The following PLXDC2 variants were observed in gnomAD, a reference collection of about 807,000 sequenced individuals.
The protein encoded by PLXDC2 is plexin domain-containing protein 2.
A neutral mutation model predicts 68.9 loss-of-function variants in PLXDC2; 40 were observed. The observed-to-expected ratio is 0.58, with a 90% CI of 0.45 to 0.76. The LOEUF (loss-of-function observed/expected upper bound fraction) is 0.76, where lower values mean the gene tolerates loss of function less well. PLXDC2 is among the 30% of genes least tolerant of loss of function. PLXDC2 has a pLI of 0.00. For synonymous variants in PLXDC2, 243 were observed against 234.2 expected (o/e 1.04, Z -0.34); for missense variants, 644 against 661.9 (o/e 0.97, Z 0.30).
At chr10:20,010,512 T>C (rs1436081749) in intron 2 of PLXDC2, among the ~76,000 whole-genome samples, 1 of 152,196 alleles carries the variant, frequency 6.6e-6, no homozygotes, top group Non-Finnish European at 1.5e-5. Context: ...GTCAGCTCTT[T>C]ATTGAAACAA....
intron 3 of PLXDC2, among the ~76,000 whole-genome samples, chr10:20,049,142 C>G (rs555423714): frequency 6.6e-6 from 1 of 152,116 alleles, no homozygotes; most frequent in South Asian, 2.1e-4. Flanking sequence ...GTGGAAAAAG[C>G]TATCAACAAA....
At position 19,956,068 on chromosome 10, in the gene PLXDC2, A is replaced by G. The variant is rs189467781; in HGVS notation, c.113-45707A>G. ...CACTCCAGCTTGGGTGACAAGAGTG[A>G]AACTCCATTAAAAAAAAAATTCTCG... On this transcript the variant is annotated intron_variant, in intron 1 of 13. Coordinates refer to ENST00000377252, the MANE Select transcript of PLXDC2 (RefSeq NM_032812.9). Among the ~76,000 whole-genome samples, 154 of 152,256 alleles carry G rather than the reference A, an allele frequency of 1.0e-3. 1 individual carries two copies. The highest frequency in any genetic ancestry group is 3.5e-3 in the African/African-American group (146 of 41,562).
chr10:20,082,064 C>CAAAAAAAAAAA lies in PLXDC2; in HGVS notation c.541+13827_541+13837dup, dbSNP rs1252447303. Among the ~76,000 whole-genome samples the CAAAAAAAAAAA allele has an allele frequency of 1.4e-3, 98 of 70,086 alleles. 3 individuals carry two copies. The highest frequency in any genetic ancestry group is 9.1e-3 in the Middle Eastern group (1 of 110). The allele number at this position is 70,086 out of a possible 152,430, so 46.0% of individuals were successfully genotyped here. On this transcript the variant is annotated intron_variant, in intron 4 of 13. Transcript: ENST00000377252. ...CCATCTGAAAAAAAAAAAAAAAAAT[C>CAAAAAAAAAAA]AAAAAAAAAAAACAGGAGAAGTCTG...
intron 4 of PLXDC2, among the ~76,000 whole-genome samples, chr10:20,118,892 A>C (rs1833657155): frequency 6.6e-6 from 1 of 151,044 alleles, no homozygotes; most frequent in South Asian, 2.1e-4. Flanking sequence ...CAATTATTAA[A>C]TGGCAGGGCC....
intron 9 of PLXDC2, among the ~76,000 whole-genome samples, chr10:20,191,723 G>A (rs1357726689): frequency 3.3e-5 from 5 of 151,860 alleles, no homozygotes; most frequent in South Asian, 2.1e-4. Flanking sequence ...GAGTTAATGG[G>A]TGCAGCACAC....
chr10:20,082,792 G>A (rs751777884), intron 4 of PLXDC2, among the ~76,000 whole-genome samples: 40 of 152,266 alleles, frequency 2.6e-4, no homozygotes, highest in Middle Eastern at 3.4e-3. Context: ...CACTGAGGAT[G>A]TTCAGGTTTT....
At chr10:19,896,122 T>G (rs1459423550) in intron 1 of PLXDC2, among the ~76,000 whole-genome samples, 2 of 152,198 alleles carry the variant, frequency 1.3e-5, no homozygotes, top group African/African-American at 2.4e-5. Context: ...CTTGGCTTAG[T>G]TCTTCCACAG....
intron 10 of PLXDC2, among the ~76,000 whole-genome samples, chr10:20,214,424 A>T (rs1265273603): frequency 1.3e-5 from 2 of 152,118 alleles, no homozygotes; most frequent in Non-Finnish European, 2.9e-5. Flanking sequence ...TGTGAGGAGG[A>T]GAAGTTCAGA....
At chr10:20,064,102 AC>A (rs1836152385) in intron 3 of PLXDC2, among the ~76,000 whole-genome samples, 1 of 147,290 alleles carries the variant, frequency 6.8e-6, no homozygotes, top group Non-Finnish European at 1.5e-5. Context: ...TCTTCCCACC[AC>A]CATTTTCTTG....
chr10:19,892,743 G>C (rs568142938), intron 1 of PLXDC2, among the ~76,000 whole-genome samples: 1 of 152,122 alleles, frequency 6.6e-6, no homozygotes, highest in African/African-American at 2.4e-5. Flanking sequence ...TCCCGTATTT[G>C]ATGGTCACTT....
chr10:19,989,403 C>G (rs1405057639), intron 1 of PLXDC2, among the ~76,000 whole-genome samples: 2 of 152,072 alleles, frequency 1.3e-5, no homozygotes, highest in Non-Finnish European at 2.9e-5. Context: ...AAAATGTTAA[C>G]AATTCAGTAA....
intron 1 of PLXDC2, among the ~76,000 whole-genome samples, chr10:19,922,599 T>C (rs1833478338): frequency 6.6e-6 from 1 of 152,292 alleles, no homozygotes; most frequent in South Asian, 2.1e-4. Context: ...CTCAGTACAG[T>C]TTTGAATAGA....
intron 1 of PLXDC2, among the ~76,000 whole-genome samples, chr10:19,847,493 A>G (rs1326691617): frequency 6.6e-6 from 1 of 152,214 alleles, no homozygotes; most frequent in Admixed American, 6.5e-5. Flanking sequence ...GTGGAGATTC[A>G]GCATTACCTA....
chr10:19,962,664 AG>A (rs1834178581), intron 1 of PLXDC2, among the ~76,000 whole-genome samples: 1 of 142,504 alleles, frequency 7.0e-6, no homozygotes, highest in Non-Finnish European at 1.5e-5. Flanking sequence ...TGCTGGGATT[AG>A]GGGCGAGAGC....
intron 7 of PLXDC2, among the ~76,000 whole-genome samples, chr10:20,167,643 G>A (rs1446739019): frequency 2.0e-5 from 3 of 152,126 alleles, no homozygotes; most frequent in East Asian, 1.9e-4. Flanking sequence ...GTATTCCAAG[G>A]TGTGTTACAT....
At chr10:19,875,617 A>G (rs907962065) in intron 1 of PLXDC2, among the ~76,000 whole-genome samples, 2 of 152,216 alleles carry the variant, frequency 1.3e-5, no homozygotes, top group Non-Finnish European at 2.9e-5. Flanking sequence ...GCACTAGTCA[A>G]TGTTCAATCT....
At chr10:20,226,780 A>G (rs1835292948) in intron 12 of PLXDC2, among the ~76,000 whole-genome samples, 1 of 152,116 alleles carries the variant, frequency 6.6e-6, no homozygotes, top group Non-Finnish European at 1.5e-5. Flanking sequence ...TCAGCAAAAT[A>G]ATTGACCACC....
Position 19,828,947 on chromosome 10 carries a change from T to C in PLXDC2, c.112+11756T>C, listed in dbSNP as rs144731973. 5.3e-3 allele frequency among the ~76,000 whole-genome samples: 813 copies of C among 152,160 alleles called. 6 individuals carry two copies. The highest frequency in any genetic ancestry group is 0.018 in the African/African-American group (761 of 41,502). ...TCTTCATTCCACAGCCAGAAAGATC[T>C]TTCTAAAATGCAAATCTGACTGTGT... is the stretch of plus-strand genomic sequence containing the variant. On this transcript the variant is annotated intron_variant, in intron 1 of 13. Transcript: ENST00000377252.
chr10:19,817,257 G>A (rs1836369953), intron 1 of PLXDC2, 66 bp downstream of exon 1: 2 of 1,289,074 alleles, frequency 1.6e-6, no homozygotes, highest in Non-Finnish European at 1.1e-6. Flanking sequence ...GCACTCTCGT[G>A]CTCCCTACCC....
Sources: allele counts gnomAD v4.1 joint callset (sites outside exome capture counted in the v4.1 genomes callset), GRCh38; gene constraint gnomAD v4.1.1; transcripts MANE v1.5; gene names NCBI Gene and HGNC (gene_info 2026-07-23, HGNC 2026-07-21).